Variants in EDA observed in about 807,000 individuals in gnomAD.
EDA encodes the protein ectodysplasin A.
EDA carries 2 observed loss-of-function variants against 23.6 expected under a neutral mutation model. The ratio of observed to expected loss-of-function variants is 0.08; its 90% CI spans 0.03 to 0.27. The LOEUF is 0.27. Among genes scored for constraint, EDA ranks in the 10% least tolerant of loss-of-function variants. EDA has a pLI of 1.00. For missense variants in EDA, 229 were observed against 324.2 expected, an observed-to-expected ratio of 0.71 and a Z score of 2.26; for synonymous variants, 131 against 132.0, an observed-to-expected ratio of 0.99 and a Z score of 0.05.
At chrX:70,006,027 T>A (rs1471872466) in intron 2 of EDA, among the ~76,000 whole-genome samples, 2 of 112,298 alleles carry the variant, frequency 1.8e-5, no homozygotes, top group African/African-American at 6.5e-5. Flanking sequence ...AAGGTTCCTC[T>A]GTGTCTTTTT....
chrX:69,963,692 T>C (rs1032676963), intron 2 of EDA, among the ~76,000 whole-genome samples: 1 of 111,849 alleles, frequency 8.9e-6, no homozygotes, highest in Non-Finnish European at 1.9e-5. Flanking sequence ...CCATCACCAC[T>C]AACACTTGGT....
chrX:69,827,593 A>G (rs1438597018), intron 1 of EDA, among the ~76,000 whole-genome samples: 4 of 111,427 alleles, frequency 3.6e-5, no homozygotes, highest in Non-Finnish European at 7.5e-5. Context: ...TTCTAGTTAT[A>G]CATTCTTCTA....
chrX:69,661,653 T>C (rs766923284), intron 1 of EDA, among the ~76,000 whole-genome samples: 1 of 110,872 alleles, frequency 9.0e-6, no homozygotes, highest in South Asian at 3.8e-4. Flanking sequence ...GATCAGATGG[T>C]TGTAGATGTG....
At chrX:69,966,482 G>A (rs1261945504) in intron 2 of EDA, among the ~76,000 whole-genome samples, 1 of 109,238 alleles carries the variant, frequency 9.2e-6, no homozygotes, top group South Asian at 4.1e-4. Flanking sequence ...GGGAGGCTGA[G>A]GCAGGAGAAT....
chrX:70,006,323 C>T (rs1015771340), intron 2 of EDA, among the ~76,000 whole-genome samples: 11 of 112,187 alleles, frequency 9.8e-5, no homozygotes, highest in Admixed American at 7.6e-4. Context: ...GTGGCTGTAA[C>T]ATTTTGCATT....
At chrX:69,999,128 TAAG>T (rs1189718894) in intron 2 of EDA, among the ~76,000 whole-genome samples, 2 of 111,661 alleles carry the variant, frequency 1.8e-5, no homozygotes, top group Admixed American at 9.5e-5. Context: ...GGAAAACAGA[TAAG>T]AAGAGATTAT....
chrX:69,993,588 G>C (rs1172313041), intron 2 of EDA, among the ~76,000 whole-genome samples: 1 of 112,399 alleles, frequency 8.9e-6, no homozygotes, highest in African/African-American at 3.2e-5. Context: ...TGATTCAAAA[G>C]AGCTTGATTT....
chrX:69,700,060 CTG>C (rs1569300689), intron 1 of EDA, among the ~76,000 whole-genome samples: 1 of 110,791 alleles, frequency 9.0e-6, no homozygotes, highest in African/African-American at 3.3e-5. Flanking sequence ...AGATAGGTGA[CTG>C]AGGGGGTGCA....
intron 2 of EDA, among the ~76,000 whole-genome samples, chrX:69,992,154 C>T (rs1264624064): frequency 9.0e-6 from 1 of 111,489 alleles, no homozygotes; most frequent in Non-Finnish European, 1.9e-5. Context: ...TTGCAGGACT[C>T]GCTAGCACTG....
chrX:69,773,073 A>G (rs1213666404), intron 1 of EDA, among the ~76,000 whole-genome samples: 1 of 111,659 alleles, frequency 9.0e-6, no homozygotes, highest in Non-Finnish European at 1.9e-5. Flanking sequence ...TTTCACACCT[A>G]TTCCATCCCT....
chrX:69,674,999 T>C (rs1934030807), intron 1 of EDA, among the ~76,000 whole-genome samples: 1 of 111,656 alleles, frequency 9.0e-6, no homozygotes, highest in South Asian at 3.8e-4. Context: ...TTTTTTCTTT[T>C]TTGAAACAGT....
intron 2 of EDA, among the ~76,000 whole-genome samples, chrX:69,992,276 T>C (rs1174936686): frequency 1.8e-5 from 2 of 111,915 alleles, no homozygotes; most frequent in African/African-American, 6.5e-5. Flanking sequence ...AAAGCTTTTG[T>C]GATTGTCCAT....
At chrX:69,762,492 G>A (rs1378276388) in intron 1 of EDA, among the ~76,000 whole-genome samples, 2 of 111,984 alleles carry the variant, frequency 1.8e-5, no homozygotes, top group Non-Finnish European at 3.8e-5. Flanking sequence ...GAACTCCTCA[G>A]TGTGAAATCT....
intron 1 of EDA, among the ~76,000 whole-genome samples, chrX:69,649,672 C>T (rs911952678): frequency 1.8e-5 from 2 of 109,152 alleles, no homozygotes; most frequent in Non-Finnish European, 1.9e-5. Context: ...CTGCAACCTC[C>T]GCCTGCCAGG....
intron 1 of EDA, among the ~76,000 whole-genome samples, chrX:69,877,612 T>C (rs999110378): frequency 2.7e-5 from 3 of 111,756 alleles, no homozygotes; most frequent in Non-Finnish European, 5.6e-5. Context: ...TAAATATTTT[T>C]TCTCAGTCTG....
chrX:69,655,144 C>T (rs1933261832), intron 1 of EDA, among the ~76,000 whole-genome samples: 1 of 111,582 alleles, frequency 9.0e-6, no homozygotes, highest in Non-Finnish European at 1.9e-5. Context: ...GCCTGGAATC[C>T]CAGCACTTTG....
chrX:69,881,672 A>G (rs1166547920), intron 1 of EDA, among the ~76,000 whole-genome samples: 2 of 111,613 alleles, frequency 1.8e-5, no homozygotes, highest in Non-Finnish European at 3.8e-5. Flanking sequence ...TTGCGTTGCT[A>G]TAAGAGACAC....
At chrX:69,648,103 G>T (rs184543397) in intron 1 of EDA, among the ~76,000 whole-genome samples, 3 of 111,477 alleles carry the variant, frequency 2.7e-5, no homozygotes, top group African/African-American at 9.8e-5. Flanking sequence ...CTGACCTGTT[G>T]CCAGCCCACA....
chrX:69,862,440 G>C (rs774657008), intron 1 of EDA, among the ~76,000 whole-genome samples: 3 of 111,367 alleles, frequency 2.7e-5, no homozygotes, highest in Non-Finnish European at 5.7e-5. Flanking sequence ...TTTTTAAAAA[G>C]TTGTGAACAT....
Sources: allele counts gnomAD v4.1 joint callset (sites outside exome capture counted in the v4.1 genomes callset), GRCh38; gene constraint gnomAD v4.1.1; transcripts MANE v1.5; gene names NCBI Gene and HGNC (gene_info 2026-07-23, HGNC 2026-07-21).